ME2: variants seen among roughly 807,000 people sequenced by gnomAD.
ME2 encodes malic enzyme 2, also known as NAD-dependent malic enzyme, mitochondrial.
ME2 carries 60 observed loss-of-function variants against 73.7 expected under a neutral mutation model. The ratio of observed to expected loss-of-function variants is 0.81; its 90% CI spans 0.66 to 1.01. ME2 has a LOEUF of 1.01. Among genes scored for constraint, ME2 ranks in the 50% least tolerant of loss-of-function variants. The pLI is 0.00. For missense variants in ME2, 594 were observed against 705.5 expected (o/e 0.84, Z 1.79); for synonymous variants, 199 against 236.9 (o/e 0.84, Z 1.47).
intron 1 of ME2, among the ~76,000 whole-genome samples, chr18:50,893,050 G>A (rs1341754051): frequency 1.3e-5 from 2 of 148,350 alleles, no homozygotes; most frequent in African/African-American, 2.5e-5. Flanking sequence ...ACTTGAAACC[G>A]GGAGGCAGAG....
rs142095996 is a variant in ME2 at position 50,925,814 on chromosome 18, C to T, written c.1230C>T (p.Ile410=). 1.6e-3 allele frequency: 2,565 copies of T among 1,612,162 alleles called. 1 individual carries two copies. The highest frequency in any genetic ancestry group is 2.0e-3 in the Middle Eastern group (12 of 6,052). The change falls in exon 12 of 16, where the codon ATC becomes ATT. Residue 410 remains isoleucine, a synonymous_variant. Transcript: ENST00000321341. ...TPDVIRAMAS[I]NERPVIFALS... is the part of the protein sequence containing the mutation. ...ATGTAATCAGAGCCATGGCCTCTAT[C>T]AATGAAAGGCCTGTAATATTTGCAT... is the stretch of plus-strand genomic sequence containing the variant.
At chr18:50,891,812 T>G (rs112232843) in intron 1 of ME2, among the ~76,000 whole-genome samples, 1 of 151,360 alleles carries the variant, frequency 6.6e-6, no homozygotes, top group African/African-American at 2.4e-5. Context: ...ATTGGACTTA[T>G]AATTTTTTTT....
intron 2 of ME2, among the ~76,000 whole-genome samples, chr18:50,904,888 A>T (rs1453334588): frequency 2.0e-5 from 3 of 151,766 alleles, no homozygotes; most frequent in Non-Finnish European, 4.4e-5. Context: ...GTTTTGGGGC[A>T]TTATCTCTTG....
At chr18:50,921,267 C>G (rs895486926) in intron 10 of ME2, 80 bp downstream of exon 10, 2 of 702,084 alleles carry the variant, frequency 2.8e-6, no homozygotes, top group Non-Finnish European at 4.5e-6. Context: ...TCCTTAAAAT[C>G]TTGTTTCTCA....
At chr18:50,904,794 A>G (rs957059802) in intron 2 of ME2, among the ~76,000 whole-genome samples, 1 of 152,036 alleles carries the variant, frequency 6.6e-6, no homozygotes, top group Non-Finnish European at 1.5e-5. Context: ...CTCTTTGTCT[A>G]GGTGTAGATC....
intron 1 of ME2, among the ~76,000 whole-genome samples, chr18:50,891,591 C>T (rs762899400): frequency 1.2e-4 from 18 of 152,086 alleles, no homozygotes; most frequent in Non-Finnish European, 4.4e-5. Flanking sequence ...ATACCATAGA[C>T]ATGAGTGGAA....
intron 2 of ME2, among the ~76,000 whole-genome samples, chr18:50,902,962 G>A (rs1289140076): frequency 2.0e-5 from 3 of 152,126 alleles, no homozygotes; most frequent in Non-Finnish European, 4.4e-5. Flanking sequence ...TCAAGTGTCT[G>A]TTTAAGAGAT....
chr18:50,939,445 T>G lies in ME2; in HGVS notation c.1418-125T>G. 1.7e-6 allele frequency: 1 copy of G among 583,004 alleles called. No homozygotes were observed. The allele number at this position is 583,004 out of a possible 1,614,324, so 36.1% of individuals were successfully genotyped here. A position where few individuals can be genotyped will look rare whatever the true frequency, so the allele number is the denominator to read the frequency against. ...TCAGATTTCTGTTTCTTCTTGGCTGTTTTCTGTTTGGGGGGAGCTGTTTGC... is the reference window on the plus strand; with the variant it reads ...TCAGATTTCTGTTTCTTCTTGGCTGGTTTCTGTTTGGGGGGAGCTGTTTGC... On this transcript the variant is annotated intron_variant, in intron 13 of 15. Coordinates refer to ENST00000321341, the MANE Select transcript of ME2 (RefSeq NM_002396.5).
rs751686390 is a variant in ME2 at position 50,925,802 on chromosome 18, C to T, written c.1218C>T (p.Ala406=). 6 of 1,613,452 alleles carry T rather than the reference C, an allele frequency of 3.7e-6. No individual in the cohort carries two copies. Among genetic ancestry groups the T allele is most frequent in the Admixed American group, 3.3e-5 (2 of 59,986 alleles). Residue 406 remains alanine, a synonymous_variant, in exon 12 of 16, where the codon GCC becomes GCT. Coordinates refer to ENST00000321341, the MANE Select transcript of ME2 (RefSeq NM_002396.5). ...TTTTCACTCCTGATGTAATCAGAGCCATGGCCTCTATCAATGAAAGGCCTG... is the reference window on the plus strand; with the variant it reads ...TTTTCACTCCTGATGTAATCAGAGCTATGGCCTCTATCAATGAAAGGCCTG... ...GRLFTPDVIR[A]MASINERPVI...
chr18:50,914,251 T>C (rs1038213561), intron 4 of ME2, among the ~76,000 whole-genome samples: 2 of 152,204 alleles, frequency 1.3e-5, no homozygotes, highest in Non-Finnish European at 2.9e-5. Flanking sequence ...CTGCCAACAA[T>C]TACTGTAACT....
intron 15 of ME2, among the ~76,000 whole-genome samples, chr18:50,944,497 G>T (rs553237973): frequency 6.6e-6 from 1 of 152,276 alleles, no homozygotes; most frequent in South Asian, 2.1e-4. Context: ...TATGAGCAGG[G>T]CTGTGTGTGC....
At chr18:50,930,912 A>G (rs1413050766) in intron 12 of ME2, among the ~76,000 whole-genome samples, 5 of 152,242 alleles carry the variant, frequency 3.3e-5, no homozygotes, top group Non-Finnish European at 5.9e-5. Flanking sequence ...TGATATAACA[A>G]TATAGAGTTG....
chr18:50,924,839 G>A (rs890216306), intron 11 of ME2, among the ~76,000 whole-genome samples: 7 of 151,382 alleles, frequency 4.6e-5, no homozygotes, highest in East Asian at 3.9e-4. Flanking sequence ...CCGCCACCAC[G>A]CCCAGCTAAT....
intron 1 of ME2, among the ~76,000 whole-genome samples, chr18:50,880,293 A>G (rs925795370): frequency 6.6e-6 from 1 of 152,210 alleles, no homozygotes; most frequent in Non-Finnish European, 1.5e-5. Flanking sequence ...CTAAGACCAC[A>G]GTTTTAACGT....
chr18:50,924,137 A>G lies in ME2; in HGVS notation c.1096A>G (p.Thr366Ala), dbSNP rs1282385907. 6.2e-7 allele frequency: 1 copy of G among 1,613,556 alleles called. No homozygotes were observed. The highest frequency in any genetic ancestry group is 8.5e-7 in the Non-Finnish European group (1 of 1,179,724). Residue 366 changes from threonine to alanine, a missense_variant, in exon 11 of 16, where the codon ACT (threonine) becomes GCT (alanine). Coordinates refer to ENST00000321341, the MANE Select transcript of ME2 (RefSeq NM_002396.5). The part of the protein sequence containing the change: ...AKIDSYQEPF[T>A]HSAPESIPDT... The stretch of plus-strand genomic sequence containing the variant: ...AATAGATAGTTATCAGGAACCATTT[A>G]CTCACTCAGCCCCAGAGAGCATACC...
rs1476943103 is a variant in ME2, at chr18:50,949,311, G to A, written c.*2127G>A. On this transcript the variant is annotated 3_prime_UTR_variant, in exon 16 of 16. Transcript: ENST00000321341. ...TCCTTTCTTTTAATTAAAGACAAAA[G>A]GTTTATGGGTTTTGGTTTGTTTGTT... 2 of 152,168 alleles carry A rather than the reference G, an allele frequency of 1.3e-5. No homozygotes were observed. The highest frequency in any genetic ancestry group is 4.8e-5 in the African/African-American group (2 of 41,422). 9.4% of individuals were successfully genotyped at this position (152,168 alleles called of 1,614,324 possible).
intron 15 of ME2, among the ~76,000 whole-genome samples, chr18:50,945,974 G>T (rs1918073036): frequency 6.6e-6 from 1 of 152,180 alleles, no homozygotes; most frequent in Admixed American, 6.5e-5. Flanking sequence ...GGCTGAGGCA[G>T]GAGAATCGCT....
At chr18:50,897,859 CAAAAAA>C (rs962608319) in intron 2 of ME2, among the ~76,000 whole-genome samples, 24 of 125,740 alleles carry the variant, frequency 1.9e-4, no homozygotes, top group African/African-American at 7.2e-4. Context: ...AACTCCATCT[CAAAAAA>C]AAAAAGAAAA....
rs1002876730 is a variant in ME2 at position 50,952,550 on chromosome 18, A to T, written c.*5366A>T. The T allele has an allele frequency of 6.6e-6, 1 of 152,240 alleles. No homozygotes were observed. Among genetic ancestry groups the T allele is most frequent in the Admixed American group, 6.5e-5 (1 of 15,280 alleles). The allele number at this position is 152,240 out of a possible 1,614,324, so 9.4% of individuals were successfully genotyped here. A position where few individuals can be genotyped will look rare whatever the true frequency, so the allele number is the denominator to read the frequency against. On this transcript the variant is annotated 3_prime_UTR_variant, in exon 16 of 16. Coordinates refer to ENST00000321341, the MANE Select transcript of ME2 (RefSeq NM_002396.5). The stretch of plus-strand genomic sequence containing the variant: ...TTTGGTAAACAGCATTTTGTCAACA[A>T]ACTTTTCATATGGCTATAGAATCTT...
Sources: gnomAD v4.1 joint callset for allele counts (sites outside exome capture counted in the v4.1 genomes callset) on GRCh38, gnomAD v4.1.1 for gene constraint, MANE v1.5 for transcripts, NCBI Gene and HGNC (gene_info 2026-07-23, HGNC 2026-07-21) for gene names.